Variants in PDLIM2 observed in about 807,000 individuals in gnomAD.
PDLIM2 encodes the protein PDZ and LIM domain 2.
A neutral mutation model predicts 54.1 loss-of-function variants in PDLIM2; 51 were observed. That is an observed-to-expected ratio of 0.94 (90% CI 0.75 to 1.19). PDLIM2 has a LOEUF of 1.19. Ranked by LOEUF, PDLIM2 falls within the 50% of genes most tolerant of loss-of-function variation. The probability of loss-of-function intolerance (pLI) is 0.00; values close to 1 mark genes in which losing one functional copy is unlikely to be tolerated. For synonymous variants in PDLIM2, 398 were observed against 385.6 expected (o/e 1.03, Z -0.38); for missense variants, 912 against 874.0 (o/e 1.04, Z -0.55).
chr8:22,582,874 G>C (rs1409089061), intron 3 of PDLIM2, among the ~76,000 whole-genome samples: 1 of 150,858 alleles, frequency 6.6e-6, no homozygotes. Flanking sequence ...CACCGCGCCC[G>C]GCCCAGTCTC....
At chr8:22,579,001 C>T (rs966544440) in exon 1 of PDLIM2, 25 of 1,242,544 alleles carry the variant, frequency 2.0e-5, no homozygotes, top group Non-Finnish European at 2.5e-5. Flanking sequence ...CCGGCGGGCT[C>T]GGGCCAGGTG....
rs1226566543 is a variant in PDLIM2 at position 22,584,999 on chromosome 8, C to G, written c.1066-18C>G. On this transcript the variant is annotated intron_variant, in intron 4 of 9. Coordinates refer to ENST00000308354, the Ensembl canonical transcript of PDLIM2. ...CGGGGCAGCCCTGCCTTTCCTGACA[C>G]AGTCACTCTCTCCACAGGGCTCCGT... 1 of 1,613,336 alleles carries G rather than the reference C, an allele frequency of 6.2e-7. No individual in the cohort carries two copies. The highest frequency in any genetic ancestry group is 8.5e-7 in the Non-Finnish European group (1 of 1,179,668).
intron 8 of PDLIM2, chr8:22,591,154 T>C: frequency 4.0e-6 from 1 of 251,800 alleles, no homozygotes; most frequent in Non-Finnish European, 7.9e-6. Context: ...CATCTTCGTG[T>C]GGCTTGAGAG....
exon 9 of PDLIM2, chr8:22,591,597 C>T: frequency 6.2e-7 from 1 of 1,613,688 alleles, no homozygotes; most frequent in Non-Finnish European, 8.5e-7. Flanking sequence ...CCCAGTCCTC[C>T]CTGCCCGCCT....
chr8:22,579,480 C>A (rs893212282), exon 1 of PDLIM2: 3 of 1,512,740 alleles, frequency 2.0e-6, no homozygotes, highest in Non-Finnish European at 2.6e-6. Flanking sequence ...TCGGGCTGGG[C>A]ACCTCCCCGC....
chr8:22,580,953 C>T (rs1171717292), intron 2 of PDLIM2: 2 of 675,578 alleles, frequency 3.0e-6, no homozygotes, highest in Middle Eastern at 2.4e-4. Flanking sequence ...GCTATCCCCA[C>T]ACTTGCAGGC....
chr8:22,585,547 G>A (rs1800349796), intron 6 of PDLIM2, 148 bp downstream of exon 5: 1 of 659,716 alleles, frequency 1.5e-6, no homozygotes, highest in African/African-American at 2.1e-5. Context: ...CTGCTCCTGA[G>A]CCAGGGAGGC....
intron 1 of PDLIM2, 136 bp from the exon 1 acceptor site, chr8:22,580,339 C>G: frequency 7.0e-6 from 5 of 719,012 alleles, no homozygotes; most frequent in Non-Finnish European, 1.0e-5. Context: ...GCAGCCTGGG[C>G]AGCCCCCTCC....
chr8:22,597,430 CA>C (rs1318299640), downstream of PDLIM2: 2 of 152,394 alleles, frequency 1.3e-5, no homozygotes, highest in East Asian at 3.9e-4. Flanking sequence ...GACGCATCTG[CA>C]TGGCGGTGGT....
At chr8:22,594,879 T>A (rs1167958959), downstream of PDLIM2, 1 of 509,376 alleles carries the variant, frequency 2.0e-6, no homozygotes, top group Non-Finnish European at 3.4e-6. Flanking sequence ...TAAGCTGTGA[T>A]CATGCCACTG....
chr8:22,585,513 CCTT>C (rs1227371944), intron 6 of PDLIM2, 114 bp downstream of exon 5: 5 of 1,036,492 alleles, frequency 4.8e-6, no homozygotes, highest in Admixed American at 2.2e-5. Context: ...GCCATGGCCT[CCTT>C]CTCCTGGCCA....
intron 3 of PDLIM2, among the ~76,000 whole-genome samples, chr8:22,584,070 T>G (rs115183878): frequency 0.026 from 3,962 of 151,992 alleles, 152 homozygotes; most frequent in African/African-American, 0.086. Context: ...GGTACAATTT[T>G]GGCTCACTGT....
intron 8 of PDLIM2, 38 bp from the exon 8 acceptor site, chr8:22,591,513 G>T (rs1800545444): frequency 1.9e-6 from 3 of 1,572,940 alleles, no homozygotes; most frequent in African/African-American, 1.3e-5. Context: ...GCTGTGGTTG[G>T]TGGGCTCTCA....
intron 6 of PDLIM2, among the ~76,000 whole-genome samples, chr8:22,586,030 G>T (rs1800372834): frequency 6.6e-6 from 1 of 152,164 alleles, no homozygotes; most frequent in Non-Finnish European, 1.5e-5. Flanking sequence ...GGGATGGTGA[G>T]GGAGTGAGGC....
At chr8:22,593,577 CA>C (rs59345957) in intron 9 of PDLIM2, 155 bp from the exon 9 acceptor site, 19,025 of 383,070 alleles carry the variant, frequency 0.05, 4 homozygotes, top group Middle Eastern at 0.071. Flanking sequence ...AACTCCATCT[CA>C]AAAAAAAAAA....
intron 3 of PDLIM2, among the ~76,000 whole-genome samples, chr8:22,584,162 T>C (rs4872515): frequency 0.56 from 83,642 of 150,598 alleles, 23,481 homozygotes; most frequent in Admixed American, 0.62. Flanking sequence ...TCACTATGGC[T>C]TGGCTAAATT....
In PDLIM2 at chr8:22,585,400, G is replaced by A. The variant is rs1800345963; in HGVS notation, c.1290+1G>A. On this transcript the variant is annotated splice_donor_variant, in intron 6 of 9. Transcript: ENST00000308354. LOFTEE classifies it high-confidence loss of function. ...CTCAGGCCGCCCTGGAAGCCGACAG[G>A]TGAGGCTCCCTGGGGGAGGACAGGC... 6.2e-7 allele frequency: 1 copy of A among 1,607,266 alleles called. No individual in the cohort carries two copies. Among genetic ancestry groups the A allele is most frequent in the East Asian group, 2.2e-5 (1 of 44,588 alleles).
exon 1 of PDLIM2, chr8:22,579,252 C>T: frequency 7.4e-7 from 1 of 1,356,812 alleles, no homozygotes; most frequent in South Asian, 1.8e-5. Flanking sequence ...CGCCTCTCCG[C>T]GCGGCCCGCC....
chr8:22,596,101 G>C (rs1312582012), downstream of PDLIM2: 1 of 152,290 alleles, frequency 6.6e-6, no homozygotes, highest in Non-Finnish European at 1.5e-5. Context: ...CAGCCTCTGG[G>C]AACACTTGGA....
Sources: gnomAD v4.1 joint callset for allele counts (sites outside exome capture counted in the v4.1 genomes callset) on GRCh38, gnomAD v4.1.1 for gene constraint, MANE v1.5 for transcripts, NCBI Gene and HGNC (gene_info 2026-07-23, HGNC 2026-07-21) for gene names.